Variants in ASPRV1 observed in about 807,000 individuals in gnomAD.
ASPRV1 encodes the protein aspartic peptidase retroviral like 1.
Under a neutral mutation model 11.0 loss-of-function variants are expected in ASPRV1, and 7 were observed. The ratio of observed to expected loss-of-function variants is 0.64; its 90% CI spans 0.36 to 1.20. ASPRV1 has a LOEUF of 1.20. Ranked by LOEUF, ASPRV1 falls within the 50% of genes most tolerant of loss-of-function variation. The pLI is 0.02. For synonymous variants in ASPRV1, 136 were observed against 138.4 expected (o/e 0.98, Z 0.12); for missense variants, 299 against 320.0 (o/e 0.93, Z 0.50).
chr2:69,974,874 C>T, the ASPRV1 span, among the ~76,000 whole-genome samples: 1 of 152,276 alleles, frequency 6.6e-6, no homozygotes, highest in Admixed American at 6.5e-5. Flanking sequence ...GGCACAGAAC[C>T]GTAAGGCTAG....
At chr2:70,078,550 G>A in the ASPRV1 span, among the ~76,000 whole-genome samples, 2 of 152,294 alleles carry the variant, frequency 1.3e-5, no homozygotes, top group Admixed American at 1.3e-4. Context: ...AAGGGAGAAG[G>A]CCATACTGAC....
the ASPRV1 span, among the ~76,000 whole-genome samples, chr2:70,079,654 A>G: frequency 1.3e-5 from 2 of 152,222 alleles, no homozygotes; most frequent in African/African-American, 4.8e-5. Flanking sequence ...CCTGGAAGAC[A>G]AGTGAAGCTA....
In ASPRV1 at chr2:69,961,230, G is replaced by A. The variant is rs770653376; in HGVS notation, c.207C>T (p.Leu69=). ...CATAGTCTCCCTGGTCCTGGGGACT[G>A]AGCCTATTGTAGACACCCAGGGCCT... ...RGEALGVYNR[L]SPQDQGDYGT... The change falls in exon 1 of 1, where the codon CTC becomes CTT. Residue 69 remains leucine, a synonymous_variant. Coordinates refer to ENST00000320256, the MANE Select transcript of ASPRV1 (RefSeq NM_152792.4). 11 of 1,613,948 alleles carry A rather than the reference G, an allele frequency of 6.8e-6. No individual in the cohort carries two copies. Among genetic ancestry groups the A allele is most frequent in the East Asian group, 6.7e-5 (3 of 44,886 alleles).
the ASPRV1 span, chr2:69,937,111 G>GTCTC: frequency 2.4e-6 from 3 of 1,242,792 alleles, no homozygotes; most frequent in Non-Finnish European, 3.6e-6. Flanking sequence ...GAAGCTTGAT[G>GTCTC]AGTGGCACCG....
chr2:70,052,085 T>A, the ASPRV1 span, among the ~76,000 whole-genome samples: 1 of 152,116 alleles, frequency 6.6e-6, no homozygotes, highest in Non-Finnish European at 1.5e-5. Flanking sequence ...ATGGAGCTTA[T>A]ATTCTAATGG....
the ASPRV1 span, among the ~76,000 whole-genome samples, chr2:69,936,549 G>T: frequency 6.6e-6 from 1 of 152,160 alleles, no homozygotes. Flanking sequence ...TTAGAAGCCT[G>T]CATTCATGAC....
chr2:70,027,748 T>A, the ASPRV1 span, among the ~76,000 whole-genome samples: 4 of 152,140 alleles, frequency 2.6e-5, no homozygotes, highest in Non-Finnish European at 4.4e-5. Flanking sequence ...TATAGTTAGA[T>A]AAAAGGAATA....
the ASPRV1 span, among the ~76,000 whole-genome samples, chr2:69,996,266 C>T: frequency 3.4e-5 from 5 of 148,094 alleles, no homozygotes; most frequent in Non-Finnish European, 5.9e-5. Context: ...GTGGCACACA[C>T]CTGTGGTCCC....
chr2:70,021,788 C>T, the ASPRV1 span, among the ~76,000 whole-genome samples: 4 of 151,884 alleles, frequency 2.6e-5, no homozygotes, highest in Admixed American at 1.3e-4. Context: ...CTGCAACCTC[C>T]GCCTCCCGGG....
chr2:70,036,162 A>C, the ASPRV1 span, among the ~76,000 whole-genome samples: 1 of 151,906 alleles, frequency 6.6e-6, no homozygotes, highest in African/African-American at 2.4e-5. Context: ...TGGAGCTAGG[A>C]GCAGTGAAGA....
chr2:70,040,577 T>G, the ASPRV1 span, among the ~76,000 whole-genome samples: 1 of 152,158 alleles, frequency 6.6e-6, no homozygotes, highest in African/African-American at 2.4e-5. Context: ...GGCTCACGCC[T>G]GTAATCCCAG....
At chr2:70,077,653 A>C in the ASPRV1 span, among the ~76,000 whole-genome samples, 1 of 151,668 alleles carries the variant, frequency 6.6e-6, no homozygotes, top group Non-Finnish European at 1.5e-5. Context: ...CAGGAGTTCG[A>C]GACCAGCCTG....
the ASPRV1 span, among the ~76,000 whole-genome samples, chr2:69,934,701 G>T: frequency 2.0e-5 from 3 of 152,140 alleles, no homozygotes; most frequent in Non-Finnish European, 4.4e-5. Flanking sequence ...CTCACAGTTT[G>T]GAATCTTGCT....
the ASPRV1 span, among the ~76,000 whole-genome samples, chr2:70,006,023 GCTGTC>G: frequency 6.6e-6 from 1 of 152,122 alleles, no homozygotes; most frequent in African/African-American, 2.4e-5. Flanking sequence ...TTGTGGCCAG[GCTGTC>G]CTGTGCATTG....
chr2:69,975,139 A>T, the ASPRV1 span, among the ~76,000 whole-genome samples: 1 of 152,232 alleles, frequency 6.6e-6, no homozygotes, highest in Non-Finnish European at 1.5e-5. Flanking sequence ...AGAAAGCTGC[A>T]AAGCCCCCAG....
At chr2:70,073,108 TCAA>T in the ASPRV1 span, 4 of 152,220 alleles carry the variant, frequency 2.6e-5, no homozygotes, top group Admixed American at 2.0e-4. Context: ...TGAGAGCTTT[TCAA>T]CAACGATGTC....
chr2:70,010,109 T>G, the ASPRV1 span, among the ~76,000 whole-genome samples: 16 of 152,114 alleles, frequency 1.1e-4, no homozygotes, highest in African/African-American at 3.9e-4. Context: ...TTGTCTAACC[T>G]TGTCCACTAG....
At chr2:69,973,461 G>A in the ASPRV1 span, among the ~76,000 whole-genome samples, 5 of 152,094 alleles carry the variant, frequency 3.3e-5, no homozygotes, top group East Asian at 1.9e-4. Flanking sequence ...AACCACAAAC[G>A]CCTGGGCTCA....
the ASPRV1 span, among the ~76,000 whole-genome samples, chr2:69,948,142 G>A: frequency 6.6e-6 from 1 of 151,970 alleles, no homozygotes; most frequent in Admixed American, 6.6e-5. Flanking sequence ...AGCTACCTGG[G>A]AGGCTGAGGC....
Sources: allele counts gnomAD v4.1 joint callset (sites outside exome capture counted in the v4.1 genomes callset), GRCh38; gene constraint gnomAD v4.1.1; transcripts MANE v1.5; gene names NCBI Gene and HGNC (gene_info 2026-07-23, HGNC 2026-07-21).